Variants in GSAP observed in about 807,000 individuals in gnomAD.
GSAP encodes the protein gamma-secretase-activating protein.
Under a neutral mutation model 131.7 loss-of-function variants are expected in GSAP, and 118 were observed. The ratio of observed to expected loss-of-function variants is 0.90; its 90% CI spans 0.77 to 1.04. The LOEUF is 1.04. Among genes scored for constraint, GSAP ranks in the 50% least tolerant of loss-of-function variants. The pLI, the probability that GSAP is intolerant of heterozygous loss-of-function variation, is 0.00. For synonymous variants in GSAP, 381 were observed against 363.4 expected (o/e 1.05, Z -0.55); for missense variants, 1,019 against 1,013.2 (o/e 1.01, Z -0.08).
chr7:77,404,534 C>T (rs1363246857), intron 3 of GSAP, 25 bp downstream of exon 3: 1 of 1,274,650 alleles, frequency 7.8e-7, no homozygotes, highest in Admixed American at 1.7e-5. Flanking sequence ...AGTAAAGTAA[C>T]CAATGAGTAA....
At chr7:77,368,283 G>A (rs922136947) in intron 12 of GSAP, among the ~76,000 whole-genome samples, 1 of 152,280 alleles carries the variant, frequency 6.6e-6, no homozygotes, top group East Asian at 1.9e-4. Context: ...AGTTGAAGGC[G>A]CTGCATTTAC....
intron 8 of GSAP, among the ~76,000 whole-genome samples, chr7:77,381,038 A>T (rs1797722211): frequency 1.3e-5 from 2 of 152,252 alleles, no homozygotes; most frequent in Non-Finnish European, 1.5e-5. Context: ...GGTTTGCACG[A>T]GCAAGGTAAA....
intron 1 of GSAP, among the ~76,000 whole-genome samples, chr7:77,410,688 C>G: frequency 6.6e-6 from 1 of 152,132 alleles, no homozygotes; most frequent in Non-Finnish European, 1.5e-5. Flanking sequence ...CTTTGTCAAA[C>G]AAAAGTGATT....
At position 77,360,952 on chromosome 7, in the gene GSAP, T is replaced by C. The variant is rs769041057; in HGVS notation, c.950-51A>G. On this transcript the variant is annotated intron_variant, in intron 13 of 30. Coordinates refer to ENST00000257626, the MANE Select transcript of GSAP (RefSeq NM_017439.4). ...AGAATGTTAAACAAAGAACTGGAAC[T>C]CCACCCAAGGCAGTGACTATGTAAC... The C allele has an allele frequency of 6.8e-6, 7 of 1,032,978 alleles. No individual in the cohort carries two copies. In the South Asian group the frequency reaches 8.9e-5, roughly 13 times the overall value. The allele number at this position is 1,032,978 out of a possible 1,614,324, so 64.0% of individuals were successfully genotyped here.
Position 77,312,158 on chromosome 7 carries a change from A to G in GSAP, c.2316T>C (p.Ser772=). 6.2e-7 allele frequency: 1 copy of G among 1,604,320 alleles called. No homozygotes were observed. The highest frequency in any genetic ancestry group is 1.1e-5 in the South Asian group (1 of 88,880). The change falls in exon 29 of 31, where the codon AGT becomes AGC. Residue 772 remains serine, a synonymous_variant. Coordinates refer to ENST00000257626, the MANE Select transcript of GSAP (RefSeq NM_017439.4). ...KICRLWDHPM[S]SNIISRNHVT... ...CGTGGTTCCGCGAAATGATGTTAGA[A>G]CTCATAGGATGATCCCAAAGTCTAC...
chr7:77,349,444 T>C, intron 18 of GSAP, 40 bp from the exon 19 acceptor site: 1 of 1,550,430 alleles, frequency 6.4e-7, no homozygotes, highest in Non-Finnish European at 8.9e-7. Context: ...CTGCTCAGTG[T>C]ATGAACTACC....
rs148375162 is a variant in GSAP, at chr7:77,315,426, C to G, written c.2090-937G>C. On this transcript the variant is annotated intron_variant, in intron 26 of 30. Transcript: ENST00000257626. ...CCAGGTCTGTGAAGAGCCTAGCATG[C>G]AATATAACAATAGCGACCCATACTG... 3 of 152,248 alleles carry G rather than the reference C, an allele frequency of 2.0e-5. No individual in the cohort carries two copies. The East Asian group carries it at 5.8e-4, about 29-fold the overall frequency. The allele number at this position is 152,248 out of a possible 1,614,324, so 9.4% of individuals were successfully genotyped here.
At chr7:77,395,832 AAAAGAAGTAATT>A (rs1392744665) in intron 5 of GSAP, among the ~76,000 whole-genome samples, 1 of 152,210 alleles carries the variant, frequency 6.6e-6, no homozygotes, top group Non-Finnish European at 1.5e-5. Flanking sequence ...CTATGCTAAC[AAAAGAAGTAATT>A]AAAGAAGGAA....
At chr7:77,319,158 C>A (rs1787264548) in intron 26 of GSAP, among the ~76,000 whole-genome samples, 1 of 152,018 alleles carries the variant, frequency 6.6e-6, no homozygotes, top group Non-Finnish European at 1.5e-5. Flanking sequence ...ATATATCTAA[C>A]AAAGAGTTAA....
chr7:77,355,787 G>GT (rs11353263), intron 14 of GSAP, 140 bp from the exon 15 acceptor site: 6,915 of 292,154 alleles, frequency 0.024, 2 homozygotes, highest in South Asian at 0.032. Flanking sequence ...ATGACAGCCC[G>GT]TTTTTTTTTT....
intron 1 of GSAP, among the ~76,000 whole-genome samples, chr7:77,414,179 A>G (rs1443362040): frequency 6.6e-6 from 1 of 152,264 alleles, no homozygotes; most frequent in African/African-American, 2.4e-5. Flanking sequence ...ATGTAAAAAC[A>G]TTAAGGCTTC....
At chr7:77,311,493 G>T in intron 30 of GSAP, 44 bp from the exon 31 acceptor site, 1 of 960,850 alleles carries the variant, frequency 1.0e-6, no homozygotes. Flanking sequence ...GGTTACCATG[G>T]GTCCGTGAAA....
intron 7 of GSAP, 140 bp from the exon 8 acceptor site, chr7:77,381,494 T>C (rs1797802207): frequency 2.0e-6 from 1 of 488,736 alleles, no homozygotes; most frequent in Non-Finnish European, 3.6e-6. Flanking sequence ...TATCACAAAC[T>C]GTAATCTCAC....
intron 28 of GSAP, among the ~76,000 whole-genome samples, 186 bp from the exon 29 acceptor site, chr7:77,312,388 T>C (rs1794483545): frequency 6.6e-6 from 1 of 152,168 alleles, no homozygotes; most frequent in Non-Finnish European, 1.5e-5. Context: ...GAGTAAATAC[T>C]CTCTCAAACG....
chr7:77,397,878 G>T (rs1040632669), intron 3 of GSAP, among the ~76,000 whole-genome samples: 8 of 152,100 alleles, frequency 5.3e-5, no homozygotes, highest in African/African-American at 1.9e-4. Context: ...TAATTACTGA[G>T]GTAATTAATT....
intron 3 of GSAP, among the ~76,000 whole-genome samples, chr7:77,398,211 G>C (rs74492096): frequency 6.6e-6 from 1 of 152,106 alleles, no homozygotes; most frequent in South Asian, 2.1e-4. Context: ...AGTAAATAGT[G>C]TAAGTATTAA....
At chr7:77,357,312 G>C (rs965541846) in intron 14 of GSAP, among the ~76,000 whole-genome samples, 2 of 152,138 alleles carry the variant, frequency 1.3e-5, no homozygotes, top group Admixed American at 6.6e-5. Flanking sequence ...AGATATGCAC[G>C]TGCTAATCCC....
At chr7:77,379,732 G>T in intron 8 of GSAP, 1 of 244,560 alleles carries the variant, frequency 4.1e-6, no homozygotes, top group Non-Finnish European at 6.6e-6. Context: ...TCTTGGGCTT[G>T]ACCCTCTTCT....
At chr7:77,375,789 A>G (rs1373115864) in intron 10 of GSAP, among the ~76,000 whole-genome samples, 1 of 151,756 alleles carries the variant, frequency 6.6e-6, no homozygotes, top group East Asian at 1.9e-4. Flanking sequence ...GGTTGCAGTG[A>G]AGAGAGATCA....
Sources: gnomAD v4.1 joint callset for allele counts (sites outside exome capture counted in the v4.1 genomes callset) on GRCh38, gnomAD v4.1.1 for gene constraint, MANE v1.5 for transcripts, NCBI Gene and HGNC (gene_info 2026-07-23, HGNC 2026-07-21) for gene names.